RAPGEF6: variants seen among roughly 807,000 people sequenced by gnomAD.
RAPGEF6 encodes the protein Rap guanine nucleotide exchange factor 6.
A neutral mutation model predicts 171.4 loss-of-function variants in RAPGEF6; 56 were observed. The ratio of observed to expected loss-of-function variants is 0.33; its 90% confidence interval spans 0.26 to 0.41. The LOEUF is 0.41. Ranked by LOEUF, RAPGEF6 falls within the 10% of genes least tolerant of loss-of-function variation. RAPGEF6 has a pLI of 1.00. For missense variants in RAPGEF6, 1,674 were observed against 1,921.4 expected (o/e 0.87, Z 2.41); for synonymous variants, 692 against 650.1 (o/e 1.06, Z -0.98).
intron 1 of RAPGEF6, among the ~76,000 whole-genome samples, chr5:131,625,998 CATAGTAGTCTTT>C (rs1765904691): frequency 6.6e-6 from 1 of 152,206 alleles, no homozygotes; most frequent in Admixed American, 6.5e-5. Flanking sequence ...AAAATGCTCA[CATAGTAGTCTTT>C]ATAAAACTGA....
At chr5:131,589,315 T>C (rs188353095) in intron 4 of RAPGEF6, among the ~76,000 whole-genome samples, 44 of 152,316 alleles carry the variant, frequency 2.9e-4, no homozygotes, top group African/African-American at 1.0e-3. Flanking sequence ...GCTTACTATA[T>C]ATATAGTATA....
At chr5:131,448,623 GAC>G (rs1752869502) in intron 21 of RAPGEF6, among the ~76,000 whole-genome samples, 2 of 151,970 alleles carry the variant, frequency 1.3e-5, no homozygotes, top group Admixed American at 1.3e-4. Context: ...AAATCTAGGA[GAC>G]ACAAAATTCT....
At chr5:131,595,527 T>C (rs889258133) in intron 3 of RAPGEF6, among the ~76,000 whole-genome samples, 1 of 151,348 alleles carries the variant, frequency 6.6e-6, no homozygotes, top group Non-Finnish European at 1.5e-5. Flanking sequence ...ATAACAAGAG[T>C]CTTTATGCTA....
intron 16 of RAPGEF6, among the ~76,000 whole-genome samples, chr5:131,475,549 T>C (rs188612907): frequency 5.3e-5 from 8 of 152,324 alleles, no homozygotes; most frequent in Admixed American, 1.3e-4. Context: ...AGTTTATTTC[T>C]GGGATTGTTA....
chr5:131,470,273 T>G (rs1359969212), intron 17 of RAPGEF6, among the ~76,000 whole-genome samples: 1 of 152,250 alleles, frequency 6.6e-6, no homozygotes, highest in Non-Finnish European at 1.5e-5. Flanking sequence ...AAAGGCATCT[T>G]TATCTTTAGT....
chr5:131,573,663 C>A, intron 4 of RAPGEF6, among the ~76,000 whole-genome samples: 1 of 152,022 alleles, frequency 6.6e-6, no homozygotes. Flanking sequence ...CCAGGTATAG[C>A]TAGGCAAGAT....
intron 3 of RAPGEF6, among the ~76,000 whole-genome samples, chr5:131,599,242 G>A (rs1025467652): frequency 4.6e-5 from 7 of 152,038 alleles, no homozygotes; most frequent in African/African-American, 1.4e-4. Flanking sequence ...CATGAGAATC[G>A]CTTGAACCCA....
At chr5:131,594,670 A>G (rs114652983) in intron 3 of RAPGEF6, among the ~76,000 whole-genome samples, 2,078 of 152,304 alleles carry the variant, frequency 0.014, 55 homozygotes, top group African/African-American at 0.047. Flanking sequence ...CAGGGGCTGT[A>G]CCCTGCAGAG....
chr5:131,581,881 A>G (rs1385427388), intron 4 of RAPGEF6, among the ~76,000 whole-genome samples: 1 of 151,826 alleles, frequency 6.6e-6, no homozygotes, highest in African/African-American at 2.4e-5. Context: ...CCTTGTGACA[A>G]TACACCCTCC....
At chr5:131,603,242 T>C in intron 3 of RAPGEF6, 29 bp downstream of exon 3, 1 of 1,469,954 alleles carries the variant, frequency 6.8e-7, no homozygotes, top group South Asian at 1.3e-5. Context: ...TAAAAGTCAT[T>C]AGTTTATGTG....
intron 17 of RAPGEF6, chr5:131,469,858 A>C: frequency 6.7e-7 from 1 of 1,487,256 alleles, no homozygotes; most frequent in Non-Finnish European, 9.0e-7. Flanking sequence ...TAAGCAATCA[A>C]AAACAAACTT....
chr5:131,474,943 C>A (rs1021142933), intron 16 of RAPGEF6, among the ~76,000 whole-genome samples: 5 of 152,130 alleles, frequency 3.3e-5, no homozygotes, highest in African/African-American at 1.2e-4. Flanking sequence ...TAAAAAGTTA[C>A]AATTTTCTAT....
rs548227522 is a variant in RAPGEF6, at chr5:131,527,114, T to C, written c.496-5593A>G. ...TATTTCTCAGTTAGACTAGATTTTG[T>C]TACAACAATAGGGGGCCCTCAGATC... On this transcript the variant is annotated intron_variant, in intron 6 of 27. Transcript: ENST00000509018. Among the ~76,000 whole-genome samples the C allele has an allele frequency of 2.6e-5, 4 of 152,262 alleles. No homozygotes were observed. The East Asian group carries it at 7.7e-4, about 29-fold the overall frequency.
chr5:131,430,567 G>A (rs750630706), intron 26 of RAPGEF6: 10 of 495,440 alleles, frequency 2.0e-5, no homozygotes, highest in East Asian at 5.1e-5. Flanking sequence ...ACACTAATGC[G>A]ATGATATTCC....
chr5:131,613,827 A>G (rs911346731), intron 1 of RAPGEF6, among the ~76,000 whole-genome samples: 3 of 152,176 alleles, frequency 2.0e-5, no homozygotes, highest in South Asian at 4.1e-4. Context: ...CTCCCATACA[A>G]CAAAGGCAGG....
In RAPGEF6 at chr5:131,464,180, C is replaced by T; in HGVS notation, c.2341G>A (p.Val781Ile). The T allele has an allele frequency of 6.2e-7, 1 of 1,613,762 alleles. No individual in the cohort carries two copies. Reference sequence around the variant, plus strand: ...GCACCGGTCAAACCAAATTCATGAACAGCATGAAAAACTACTTCTTTAGCT... The same window carrying T: ...GCACCGGTCAAACCAAATTCATGAATAGCATGAAAAACTACTTCTTTAGCT... Reference protein sequence around the residue: ...TTAKEVVFHAVHEFGLTGASD... With the variant: ...TTAKEVVFHAIHEFGLTGASD... The change falls in exon 18 of 28, where the codon GTT becomes ATT. Residue 781 changes from valine (V) to isoleucine (I), a missense_variant. Transcript: ENST00000509018.
At chr5:131,626,286 G>A (rs1333444267) in intron 1 of RAPGEF6, among the ~76,000 whole-genome samples, 1 of 151,976 alleles carries the variant, frequency 6.6e-6, no homozygotes, top group African/African-American at 2.4e-5. Context: ...TAAAGAATAA[G>A]ACACTGTCAG....
At chr5:131,533,869 T>C (rs150634601) in intron 6 of RAPGEF6, among the ~76,000 whole-genome samples, 1 of 152,090 alleles carries the variant, frequency 6.6e-6, no homozygotes, top group African/African-American at 2.4e-5. Context: ...AATTGCCCCA[T>C]TTTTCTATAG....
At chr5:131,493,120 A>G (rs1280553937) in intron 13 of RAPGEF6, among the ~76,000 whole-genome samples, 1 of 152,128 alleles carries the variant, frequency 6.6e-6, no homozygotes, top group Admixed American at 6.5e-5. Context: ...GCTGGAGCAC[A>G]GTGGCGCGAT....
Sources: allele counts gnomAD v4.1 joint callset (sites outside exome capture counted in the v4.1 genomes callset), GRCh38; gene constraint gnomAD v4.1.1; transcripts MANE v1.5; gene names NCBI Gene and HGNC (gene_info 2026-07-23, HGNC 2026-07-21).